The following PPP4R4 variants were observed in gnomAD, a reference collection of about 807,000 sequenced individuals.
PPP4R4 encodes the protein protein phosphatase 4 regulatory subunit 4.
A neutral mutation model predicts 121.8 loss-of-function variants in PPP4R4; 70 were observed. That is an observed-to-expected ratio of 0.57 (90% CI 0.47 to 0.70). PPP4R4 has a LOEUF of 0.70. PPP4R4 is among the 30% of genes least tolerant of loss of function. PPP4R4 has a pLI of 0.00. For synonymous variants in PPP4R4, 348 were observed against 355.7 expected (o/e 0.98, Z 0.24); for missense variants, 875 against 1,033.6 (o/e 0.85, Z 2.10).
chr14:94,182,298 G>C (rs1889037297), intron 2 of PPP4R4, among the ~76,000 whole-genome samples: 1 of 152,168 alleles, frequency 6.6e-6, no homozygotes, highest in Non-Finnish European at 1.5e-5. Flanking sequence ...AATGTATGCA[G>C]AAATGTGCAC....
chr14:94,225,018 G>A (rs541214303), intron 3 of PPP4R4, among the ~76,000 whole-genome samples: 1 of 152,280 alleles, frequency 6.6e-6, no homozygotes, highest in East Asian at 1.9e-4. Context: ...CTGTGTGGAT[G>A]TGGAGATGGT....
intron 7 of PPP4R4, among the ~76,000 whole-genome samples, chr14:94,235,336 A>T (rs1179253114): frequency 6.8e-6 from 1 of 146,742 alleles, no homozygotes; most frequent in Non-Finnish European, 1.5e-5. Context: ...GCCTTTCTAT[A>T]GCTCCTGTGC....
At chr14:94,193,522 T>C (rs1889712206) in intron 2 of PPP4R4, among the ~76,000 whole-genome samples, 1 of 152,174 alleles carries the variant, frequency 6.6e-6, no homozygotes, top group African/African-American at 2.4e-5. Context: ...TTATAGTATA[T>C]TAGATGCTAT....
intron 2 of PPP4R4, among the ~76,000 whole-genome samples, chr14:94,194,991 AT>A (rs1326635348): frequency 1.3e-5 from 2 of 152,016 alleles, no homozygotes; most frequent in African/African-American, 4.8e-5. Flanking sequence ...CATCTCTGCT[AT>A]TTTTTTTCCA....
rs535822459 is a variant in PPP4R4, at chr14:94,200,540, A to G, written c.192-7924A>G. Reference sequence around the variant, plus strand: ...TGTTATTGGTCTGTTCAGAGTTTCTATTTCTTCCTGGTTTAATCTAGGAGG... The same window carrying G: ...TGTTATTGGTCTGTTCAGAGTTTCTGTTTCTTCCTGGTTTAATCTAGGAGG... On this transcript the variant is annotated intron_variant, in intron 2 of 24. Transcript: ENST00000304338. 3.3e-5 allele frequency among the ~76,000 whole-genome samples: 5 copies of G among 152,112 alleles called. No individual in the cohort carries two copies. In the East Asian group the frequency reaches 7.7e-4, roughly 24 times the overall value.
chr14:94,248,973 C>T (rs1377847004), intron 14 of PPP4R4, among the ~76,000 whole-genome samples: 2 of 151,530 alleles, frequency 1.3e-5, no homozygotes, highest in East Asian at 2.0e-4. Context: ...TTTTTGTGCA[C>T]AAATTGTTAC....
At chr14:94,270,458 C>A (rs1343164362) in intron 23 of PPP4R4, among the ~76,000 whole-genome samples, 1 of 152,114 alleles carries the variant, frequency 6.6e-6, no homozygotes, top group Admixed American at 6.5e-5. Context: ...AGCTGGAGAA[C>A]TTAAATATAA....
rs778028850 is a variant in PPP4R4 at position 94,208,532 on chromosome 14, C to T, written c.260C>T (p.Thr87Ile). ...NLPFLMRQNP[T>I]ETLRRVLPKV... Reference sequence around the variant, plus strand: ...CCATTTTTGATGCGACAGAATCCCACTGAGACGCTTCGGAGAGTGTTGCCA... The same window carrying T: ...CCATTTTTGATGCGACAGAATCCCATTGAGACGCTTCGGAGAGTGTTGCCA... Residue 87 changes from threonine (T) to isoleucine (I), a missense_variant, in exon 3 of 25, where the codon ACT becomes ATT. Physicochemically the swap from Thr to Ile is moderately conservative, Grantham distance 89 (BLOSUM62 -1). Transcript: ENST00000304338. The T allele has an allele frequency of 1.9e-6, 3 of 1,611,454 alleles. No homozygotes were observed. The highest frequency in any genetic ancestry group is 4.5e-5 in the East Asian group (2 of 44,832).
chr14:94,186,765 C>T (rs1889308330), intron 2 of PPP4R4, among the ~76,000 whole-genome samples: 1 of 152,072 alleles, frequency 6.6e-6, no homozygotes, highest in Non-Finnish European at 1.5e-5. Flanking sequence ...TTGATATGAT[C>T]AGTCTTTTTA....
chr14:94,234,024 G>A (rs1001161105), intron 6 of PPP4R4, among the ~76,000 whole-genome samples: 38 of 152,016 alleles, frequency 2.5e-4, no homozygotes, highest in Non-Finnish European at 8.8e-5. Context: ...ATAGTTTTGA[G>A]GATAAAATAG....
At chr14:94,199,701 G>A (rs969118424) in intron 2 of PPP4R4, among the ~76,000 whole-genome samples, 6 of 151,068 alleles carry the variant, frequency 4.0e-5, no homozygotes, top group East Asian at 2.0e-4. Flanking sequence ...TTAGCAGCCC[G>A]CGCTCTCCTC....
chr14:94,219,675 G>C (rs557186223), intron 3 of PPP4R4, among the ~76,000 whole-genome samples: 1 of 152,238 alleles, frequency 6.6e-6, no homozygotes, highest in South Asian at 2.1e-4. Flanking sequence ...AGGAATTCAA[G>C]ATTGTTTCAA....
chr14:94,218,624 A>G (rs1301771711), intron 3 of PPP4R4, among the ~76,000 whole-genome samples: 3 of 90,534 alleles, frequency 3.3e-5, no homozygotes, highest in South Asian at 4.7e-4. Flanking sequence ...GCACGCGCGC[A>G]CACACACACC....
intron 2 of PPP4R4, among the ~76,000 whole-genome samples, chr14:94,205,452 A>C (rs1890408748): frequency 6.6e-6 from 1 of 151,912 alleles, no homozygotes; most frequent in Non-Finnish European, 1.5e-5. Context: ...TCTTGCTGAG[A>C]TTAGTTGATT....
intron 24 of PPP4R4, 47 bp from the exon 25 acceptor site, chr14:94,278,572 C>T (rs769619841): frequency 7.2e-7 from 1 of 1,392,048 alleles, no homozygotes. Context: ...TTCTCACTCC[C>T]TCCTTCCCCA....
At chr14:94,185,984 C>T (rs1043316410) in intron 2 of PPP4R4, among the ~76,000 whole-genome samples, 1 of 152,122 alleles carries the variant, frequency 6.6e-6, no homozygotes, top group African/African-American at 2.4e-5. Context: ...CATTAATCTG[C>T]TTTTTGTCAC....
chr14:94,177,201 C>T (rs1188821161), intron 2 of PPP4R4, among the ~76,000 whole-genome samples: 1 of 152,170 alleles, frequency 6.6e-6, no homozygotes, highest in Admixed American at 6.5e-5. Flanking sequence ...GTAGACCATT[C>T]CCTCTGATAA....
chr14:94,199,829 C>T (rs1040796886), intron 2 of PPP4R4, among the ~76,000 whole-genome samples: 13 of 152,200 alleles, frequency 8.5e-5, no homozygotes, highest in Non-Finnish European at 8.8e-5. Context: ...TAACATCTAG[C>T]TGCGTGTGTT....
intron 3 of PPP4R4, among the ~76,000 whole-genome samples, chr14:94,216,074 C>T (rs186501329): frequency 3.5e-4 from 54 of 152,270 alleles, no homozygotes; most frequent in Non-Finnish European, 8.8e-5. Context: ...GCAATAAAAA[C>T]GAACAGAAAC....
Sources: gnomAD v4.1 joint callset for allele counts (sites outside exome capture counted in the v4.1 genomes callset) on GRCh38, gnomAD v4.1.1 for gene constraint, MANE v1.5 for transcripts, NCBI Gene and HGNC (gene_info 2026-07-23, HGNC 2026-07-21) for gene names.